The following HPF1 variants were observed in gnomAD, a reference collection of about 807,000 sequenced individuals.
The protein encoded by HPF1 is UPF0609 protein C4orf27.
Under a neutral mutation model 38.8 loss-of-function variants are expected in HPF1, and 35 were observed. That is an observed-to-expected ratio of 0.90 (90% confidence interval 0.69 to 1.19). The LOEUF is 1.19. Among genes scored for constraint, HPF1 ranks in the 50% most tolerant of loss-of-function variants. The probability of loss-of-function intolerance (pLI) is 0.00; values close to 1 mark genes in which losing one functional copy is unlikely to be tolerated. For missense variants in HPF1, 367 were observed against 405.8 expected (o/e 0.90, Z 0.82); for synonymous variants, 115 against 139.2 (o/e 0.83, Z 1.22).
chr4:169,745,131 G>A (rs1734030632), intron 4 of HPF1, among the ~76,000 whole-genome samples: 1 of 152,176 alleles, frequency 6.6e-6, no homozygotes, highest in Non-Finnish European at 1.5e-5. Context: ...TGCACGGACA[G>A]ACAGAACCAT....
Position 169,742,000 on chromosome 4 carries a change from G to A in HPF1, c.605C>T (p.Ser202Leu), listed in dbSNP as rs747809512. ...CATCTTCACGGTTCTCTGTTCAAGC[G>A]AGTACCCCAATTCTCTGGCTGCTTC... is the stretch of plus-strand genomic sequence containing the variant. The part of the protein sequence containing the change: ...LTEAARELGY[S>L]LEQRTVKMKQ... The change falls in exon 5 of 8, where the codon TCG becomes TTG. Residue 202 changes from serine to leucine, a missense_variant. Physicochemically the swap from Ser to Leu is moderately radical, Grantham distance 145. Transcript: ENST00000393381. The A allele has an allele frequency of 9.3e-6, 15 of 1,613,324 alleles. No homozygotes were observed. Among genetic ancestry groups the A allele is most frequent in the South Asian group, 3.3e-5 (3 of 91,052 alleles).
chr4:169,757,491 A>G (rs1275112875), intron 1 of HPF1, among the ~76,000 whole-genome samples: 1 of 152,164 alleles, frequency 6.6e-6, no homozygotes, highest in Non-Finnish European at 1.5e-5. Flanking sequence ...AGGAGCAAGC[A>G]GGTTGACCCC....
At chr4:169,753,494 TG>T (rs1269704404) in intron 2 of HPF1, among the ~76,000 whole-genome samples, 181 bp downstream of exon 2, 4 of 152,188 alleles carry the variant, frequency 2.6e-5, no homozygotes. Flanking sequence ...TCTAGTTTTT[TG>T]TTTTTGTTTT....
intron 6 of HPF1, among the ~76,000 whole-genome samples, chr4:169,737,268 C>T (rs34992259): frequency 1.6e-5 from 2 of 123,586 alleles, no homozygotes; most frequent in African/African-American, 3.0e-5. Context: ...CCAGCCTGGG[C>T]GACAGAGCAA....
In HPF1 at chr4:169,757,857, C is replaced by T; in HGVS notation, c.21G>A (p.Lys7=). ...GCGGCCCCTCTCCGCCGGGCCTGCG[C>T]TTCCCGCCACCGCCGACCATTCTGC... The part of the protein sequence containing the change: MVGGGG[K]RRPGGEGPQC... Residue 7 remains lysine, a synonymous_variant, in exon 1 of 8, where the codon AAG becomes AAA. Coordinates refer to ENST00000393381, the MANE Select transcript of HPF1 (RefSeq NM_017867.3). The T allele has an allele frequency of 6.4e-7, 1 of 1,564,592 alleles. No homozygotes were observed. The highest frequency in any genetic ancestry group is 8.6e-7 in the Non-Finnish European group (1 of 1,162,330).
At chr4:169,739,586 C>A (rs906964919) in intron 5 of HPF1, among the ~76,000 whole-genome samples, 4 of 152,148 alleles carry the variant, frequency 2.6e-5, no homozygotes, top group Admixed American at 6.5e-5. Flanking sequence ...AGAAAAACTA[C>A]AAACACACCT....
intron 5 of HPF1, among the ~76,000 whole-genome samples, chr4:169,739,506 AT>A (rs1733938658): frequency 1.3e-5 from 2 of 152,122 alleles, no homozygotes; most frequent in Admixed American, 1.3e-4. Context: ...AAACTGCAGA[AT>A]TTTATACCTA....
intron 6 of HPF1, among the ~76,000 whole-genome samples, chr4:169,735,184 T>C (rs902619751): frequency 6.6e-5 from 10 of 151,530 alleles, no homozygotes; most frequent in African/African-American, 2.4e-4. Flanking sequence ...CCTTACTGAC[T>C]AATGCTAAGC....
chr4:169,746,799 CCT>C (rs1165822363), intron 4 of HPF1, among the ~76,000 whole-genome samples: 7 of 151,430 alleles, frequency 4.6e-5, no homozygotes, highest in African/African-American at 1.5e-4. Flanking sequence ...ATTTTTTACC[CCT>C]GTTTGAGATA....
chr4:169,752,623 T>G (rs1734134314), intron 2 of HPF1, among the ~76,000 whole-genome samples: 1 of 152,236 alleles, frequency 6.6e-6, no homozygotes, highest in South Asian at 2.1e-4. Flanking sequence ...CTATACACTC[T>G]TCTTTTTCAC....
intron 5 of HPF1, among the ~76,000 whole-genome samples, chr4:169,738,809 A>G (rs1016710190): frequency 2.0e-5 from 3 of 152,230 alleles, no homozygotes; most frequent in African/African-American, 7.2e-5. Flanking sequence ...CTATGCAGCC[A>G]TAAAAAAGGA....
At chr4:169,746,991 T>TA (rs143447278) in intron 4 of HPF1, among the ~76,000 whole-genome samples, 80,391 of 139,234 alleles carry the variant, frequency 0.58, 26,480 homozygotes, top group East Asian at 0.79. Flanking sequence ...TTATCTTTTT[T>TA]TAAAAAAAAA....
chr4:169,733,645 G>A (rs1030201764), intron 6 of HPF1, among the ~76,000 whole-genome samples: 1 of 152,112 alleles, frequency 6.6e-6, no homozygotes, highest in Non-Finnish European at 1.5e-5. Context: ...AATCCTAGTG[G>A]GAGGATTTGG....
At chr4:169,750,969 C>T (rs1346277659) in intron 2 of HPF1, among the ~76,000 whole-genome samples, 4 of 152,212 alleles carry the variant, frequency 2.6e-5, no homozygotes. Context: ...ACATTTCAGA[C>T]ATTCCTGTTG....
chr4:169,729,643 C>A lies in HPF1; in HGVS notation c.976G>T (p.Ala326Ser). 1.9e-6 allele frequency: 3 copies of A among 1,589,588 alleles called. No individual in the cohort carries two copies. The highest frequency in any genetic ancestry group is 8.5e-7 in the Non-Finnish European group (1 of 1,169,708). Residue 326 changes from alanine (A) to serine (S), a missense_variant, in exon 8 of 8, where the codon GCA becomes TCA. Physicochemically the swap from Ala to Ser is moderately conservative, Grantham distance 99. Transcript: ENST00000393381. The stretch of plus-strand genomic sequence containing the variant: ...GCCAGATGCTCCTCAATAATTTCTG[C>A]AAACAGATTCCTCTTCAACAGATTA... Reference protein sequence around the residue: ...AYNLLKRNLFAEIIEEHLANR... With the variant: ...AYNLLKRNLFSEIIEEHLANR...
chr4:169,742,599 TG>T lies in HPF1; in HGVS notation c.498-493del, dbSNP rs1733986983. On this transcript the variant is annotated intron_variant, in intron 4 of 7. Coordinates refer to ENST00000393381, the MANE Select transcript of HPF1 (RefSeq NM_017867.3). ...TGAGGTCAGGAGATCAAGACCATCC[TG>T]GCTAACAAGGTGAAACCCCGTCTCT... is the stretch of plus-strand genomic sequence containing the variant. Among the ~76,000 whole-genome samples the T allele has an allele frequency of 2.6e-5, 4 of 152,286 alleles. No individual in the cohort carries two copies. The South Asian group carries it at 8.3e-4, about 32-fold the overall frequency.
chr4:169,739,337 A>G (rs923444890), intron 5 of HPF1, among the ~76,000 whole-genome samples: 2 of 152,166 alleles, frequency 1.3e-5, no homozygotes, highest in Admixed American at 6.5e-5. Context: ...GGAGTCTAAC[A>G]AAGGAAAAGA....
Position 169,729,560 on chromosome 4 carries a change from C to A in HPF1, c.*18G>T. On this transcript the variant is annotated 3_prime_UTR_variant, in exon 8 of 8. Transcript: ENST00000393381. The stretch of plus-strand genomic sequence containing the variant: ...ACTAGTCCTTTGAAATACTGTACAC[C>A]AATCAAAGCCACCTTACTCATGCAG... 6.7e-7 allele frequency: 1 copy of A among 1,488,426 alleles called. No homozygotes were observed. Among genetic ancestry groups the A allele is most frequent in the South Asian group, 1.4e-5 (1 of 69,862 alleles). The allele number at this position is 1,488,426 out of a possible 1,614,324, so 92.2% of individuals were successfully genotyped here. A position where few individuals can be genotyped will look rare whatever the true frequency, so the allele number is the denominator to read the frequency against.
chr4:169,757,653 T>C (rs908842806), intron 1 of HPF1, among the ~76,000 whole-genome samples, 177 bp downstream of exon 1: 1 of 152,182 alleles, frequency 6.6e-6, no homozygotes, highest in Non-Finnish European at 1.5e-5. Context: ...ACTTTCCTGG[T>C]CCAACCCCCT....
Sources: gnomAD v4.1 joint callset for allele counts (sites outside exome capture counted in the v4.1 genomes callset) on GRCh38, gnomAD v4.1.1 for gene constraint, MANE v1.5 for transcripts, NCBI Gene and HGNC (gene_info 2026-07-23, HGNC 2026-07-21) for gene names.